Variants in PARVB observed in about 807,000 individuals in gnomAD.
PARVB encodes beta-parvin.
Under a neutral mutation model 47.0 loss-of-function variants are expected in PARVB, and 46 were observed. The ratio of observed to expected loss-of-function variants is 0.98; its 90% CI spans 0.77 to 1.25. The LOEUF (loss-of-function observed/expected upper bound fraction) is 1.25, where lower values mean the gene tolerates loss of function less well. Among genes scored for constraint, PARVB ranks in the 50% most tolerant of loss-of-function variants. The pLI is 0.00. For synonymous variants in PARVB, 196 were observed against 196.3 expected, an observed-to-expected ratio of 1.00 and a Z score of 0.01; for missense variants, 473 against 471.6, an observed-to-expected ratio of 1.00 and a Z score of -0.03.
chr22:44,053,234 C>T (rs529859516), intron 1 of PARVB, among the ~76,000 whole-genome samples: 4 of 152,204 alleles, frequency 2.6e-5, no homozygotes, highest in African/African-American at 9.6e-5. Flanking sequence ...GAGGCATACA[C>T]CACCTCGCCC....
At chr22:43,999,226 T>A in exon 1 of PARVB, 1 of 808,892 alleles carries the variant, frequency 1.2e-6, no homozygotes, top group South Asian at 1.8e-5. Context: ...GCCCTACACT[T>A]TGACGTCCTC....
At chr22:44,046,966 G>A (rs1488444792) in intron 1 of PARVB, among the ~76,000 whole-genome samples, 1 of 151,970 alleles carries the variant, frequency 6.6e-6, no homozygotes, top group Non-Finnish European at 1.5e-5. Flanking sequence ...TCGGTGTGCG[G>A]GGGGTGGGGA....
rs11705646 is a variant in PARVB, at chr22:44,036,814, A to T, written c.112+12363A>T. Among the ~76,000 whole-genome samples the T allele has an allele frequency of 4.6e-3, 697 of 151,594 alleles. 3 individuals carry two copies. Among genetic ancestry groups the T allele is most frequent in the Admixed American group, 5.2e-3 (79 of 15,200 alleles). On this transcript the variant is annotated intron_variant, in intron 1 of 12. Transcript: ENST00000338758. ...GAGAACCCCTTTTTATTAAAAATTA[A>T]AAAAAAAATCAATCAGGCGTGGTGG...
At chr22:44,146,415 A>G (rs886386720) in intron 8 of PARVB, 1 of 150,606 alleles carries the variant, frequency 6.6e-6, no homozygotes, top group Non-Finnish European at 1.5e-5. Context: ...ACACGTGCCC[A>G]CAATGCACAC....
intron 7 of PARVB, among the ~76,000 whole-genome samples, chr22:44,137,749 G>C (rs1394199104): frequency 6.6e-6 from 1 of 152,084 alleles, no homozygotes; most frequent in Non-Finnish European, 1.5e-5. Flanking sequence ...ACAGTGCTGG[G>C]CATCTTCCCA....
chr22:44,079,412 A>C (rs2051849422), intron 1 of PARVB, among the ~76,000 whole-genome samples: 1 of 152,214 alleles, frequency 6.6e-6, no homozygotes, highest in African/African-American at 2.4e-5. Flanking sequence ...AAGAGGAGAC[A>C]CAGGCTCAAG....
At chr22:44,069,527 G>C (rs865858849) in intron 1 of PARVB, among the ~76,000 whole-genome samples, 4 of 151,738 alleles carry the variant, frequency 2.6e-5, no homozygotes, top group African/African-American at 9.7e-5. Flanking sequence ...CTCTCTCTCT[G>C]TCTTTTTTTT....
At chr22:44,150,210 C>T (rs1160705647) in intron 9 of PARVB, 2 of 152,132 alleles carry the variant, frequency 1.3e-5, no homozygotes, top group East Asian at 3.9e-4. Context: ...GAAATCATGT[C>T]ATGGGCAGTG....
At chr22:44,168,468 G>A (rs567448787) in intron 12 of PARVB, 134 bp from the exon 13 acceptor site, 24 of 670,862 alleles carry the variant, frequency 3.6e-5, no homozygotes, top group African/African-American at 3.5e-4. Flanking sequence ...ACATGGTGGT[G>A]GCCAGTCTTT....
upstream of PARVB, chr22:44,024,282 C>T (rs2050691006): frequency 4.2e-6 from 4 of 959,956 alleles, no homozygotes; most frequent in South Asian, 1.4e-4. Context: ...GGCCTCTCCC[C>T]GGGGCGACCG....
rs1601695702 is a variant in PARVB at position 44,155,728 on chromosome 22, G to A, written c.844-2254G>A. 2.6e-5 allele frequency among the ~76,000 whole-genome samples: 4 copies of A among 152,168 alleles called. No individual in the cohort carries two copies. Among genetic ancestry groups the A allele is most frequent in the African/African-American group, 9.7e-5 (4 of 41,448 alleles). Reference sequence around the variant, plus strand: ...TGCTGTGGGCATGAAGCTTCCATGTGGAGACACACTTAAAAGAATTCTTCA... The same window carrying A: ...TGCTGTGGGCATGAAGCTTCCATGTAGAGACACACTTAAAAGAATTCTTCA... On this transcript the variant is annotated intron_variant, in intron 10 of 12. Transcript: ENST00000338758. This position sits in a 1 kb window ranked among gnomAD's most constrained non-coding sequence, Gnocchi z 4.8.
At chr22:44,082,615 G>A (rs2051930728) in intron 1 of PARVB, among the ~76,000 whole-genome samples, 1 of 152,174 alleles carries the variant, frequency 6.6e-6, no homozygotes, top group Non-Finnish European at 1.5e-5. Context: ...TCTAAAGAAT[G>A]TGTCCTCCTT....
Position 44,097,408 on chromosome 22 carries a change from C to T in PARVB, c.203-2645C>T, listed in dbSNP as rs138076470. On this transcript the variant is annotated intron_variant, in intron 2 of 12. Coordinates refer to ENST00000338758, the MANE Select transcript of PARVB (RefSeq NM_013327.5). Reference sequence around the variant, plus strand: ...GGCCGCGTGAGCAGCCCGTAGCAGACTGAGGGCCATGATGTGCAGTGGCCT... The same window carrying T: ...GGCCGCGTGAGCAGCCCGTAGCAGATTGAGGGCCATGATGTGCAGTGGCCT... 2.4e-3 allele frequency among the ~76,000 whole-genome samples: 369 copies of T among 152,350 alleles called. 4 individuals carry two copies. The highest frequency in any genetic ancestry group is 7.9e-3 in the African/African-American group (328 of 41,582).
At chr22:44,038,760 C>T (rs556527815) in intron 1 of PARVB, among the ~76,000 whole-genome samples, 15 of 152,038 alleles carry the variant, frequency 9.9e-5, no homozygotes, top group African/African-American at 3.6e-4. Flanking sequence ...CCAGCCTGGG[C>T]GACAGAGTGA....
At chr22:44,124,783 G>A (rs865781054) in intron 4 of PARVB, among the ~76,000 whole-genome samples, 15 of 152,258 alleles carry the variant, frequency 9.9e-5, no homozygotes, top group African/African-American at 3.6e-4. Context: ...GACTGGGGTG[G>A]GATCATGTTT....
At chr22:44,123,511 T>C (rs531637729) in intron 4 of PARVB, among the ~76,000 whole-genome samples, 12 of 152,274 alleles carry the variant, frequency 7.9e-5, no homozygotes, top group Admixed American at 1.3e-4. Flanking sequence ...CTTCCTGGGC[T>C]CAGGTGATTC....
chr22:44,050,018 T>A (rs2051179465), intron 1 of PARVB, among the ~76,000 whole-genome samples: 1 of 152,222 alleles, frequency 6.6e-6, no homozygotes, highest in Non-Finnish European at 1.5e-5. Context: ...TCGCTGTCAC[T>A]CACTGGCTTC....
At chr22:44,046,982 C>T (rs945868482) in intron 1 of PARVB, among the ~76,000 whole-genome samples, 7 of 151,990 alleles carry the variant, frequency 4.6e-5, no homozygotes, top group Non-Finnish European at 8.8e-5. Context: ...GGGGATGGCC[C>T]GGGGGCCGTA....
At chr22:44,041,873 A>G (rs182652578) in intron 1 of PARVB, among the ~76,000 whole-genome samples, 16 of 152,308 alleles carry the variant, frequency 1.1e-4, no homozygotes, top group Admixed American at 8.5e-4. Flanking sequence ...TGACAGAGCG[A>G]GACCCTGCCT....
Sources: gnomAD v4.1 joint callset for allele counts (sites outside exome capture counted in the v4.1 genomes callset) on GRCh38, gnomAD v4.1.1 for gene constraint, Gnocchi (gnomAD v3.1) non-coding constraint, MANE v1.5 for transcripts, NCBI Gene and HGNC (gene_info 2026-07-23, HGNC 2026-07-21) for gene names.